The following ITGB5 variants were observed in gnomAD, a reference collection of about 807,000 sequenced individuals.
ITGB5 encodes integrin beta-5.
ITGB5 carries 38 observed loss-of-function variants against 84.8 expected under a neutral mutation model. The observed-to-expected ratio is 0.45, with a 90% CI of 0.35 to 0.59. The LOEUF (loss-of-function observed/expected upper bound fraction) is 0.59. ITGB5 is among the 20% of genes least tolerant of loss of function. The probability of loss-of-function intolerance (pLI) is 0.01; values close to 1 mark genes in which losing one functional copy is unlikely to be tolerated. For missense variants in ITGB5, 905 were observed against 1,034.5 expected (o/e 0.87, Z 1.72); for synonymous variants, 393 against 414.4 (o/e 0.95, Z 0.63).
intron 7 of ITGB5, 27 bp from the exon 8 acceptor site, chr3:124,817,737 A>G (rs1252644828): frequency 1.4e-6 from 2 of 1,383,206 alleles, no homozygotes; most frequent in African/African-American, 1.4e-5. Flanking sequence ...AAGAAAAGAA[A>G]TAAGTTCATT....
chr3:124,879,719 T>C (rs568501081), intron 1 of ITGB5, among the ~76,000 whole-genome samples: 2 of 152,306 alleles, frequency 1.3e-5, no homozygotes, highest in African/African-American at 2.4e-5. Flanking sequence ...CTTACCCCAA[T>C]ACATCGCTAA....
chr3:124,870,215 T>G (rs1366422790), intron 2 of ITGB5, among the ~76,000 whole-genome samples: 1 of 152,220 alleles, frequency 6.6e-6, no homozygotes, highest in African/African-American at 2.4e-5. Context: ...ACAGTTTAGT[T>G]TCTCAAGGAG....
chr3:124,794,068 C>A (rs1339751777), intron 10 of ITGB5, among the ~76,000 whole-genome samples: 1 of 152,210 alleles, frequency 6.6e-6, no homozygotes. Context: ...TGCTTTCTTT[C>A]CCAGCTGATC....
chr3:124,812,856 C>T (rs2064526696), intron 8 of ITGB5, among the ~76,000 whole-genome samples: 1 of 152,230 alleles, frequency 6.6e-6, no homozygotes, highest in Non-Finnish European at 1.5e-5. Flanking sequence ...ACAGCCATTG[C>T]ATCTGTTACA....
rs1201955530 is a variant in ITGB5 at position 124,887,054 on chromosome 3, C to CGGCCGG, written c.-60_-55dup. On this transcript the variant is annotated 5_prime_UTR_variant, in exon 1 of 15. Coordinates refer to ENST00000296181, the MANE Select transcript of ITGB5 (RefSeq NM_002213.5). Reference sequence around the variant, plus strand: ...GGTCGCTGCACTCCGCGGGGGCCGGCGGCCGGGGCTGGGGCCGGAGCGCGG... The same window carrying CGGCCGG: ...GGTCGCTGCACTCCGCGGGGGCCGGCGGCCGGGGCCGGGGCTGGGGCCGGAGCGCGG... The CGGCCGG allele has an allele frequency of 1.7e-5, 15 of 875,198 alleles. No individual in the cohort carries two copies. The African/African-American group carries it at 2.4e-4, about 14-fold the overall frequency. 54.2% of individuals were successfully genotyped at this position (875,198 alleles called of 1,614,324 possible). A position where few individuals can be genotyped will look rare whatever the true frequency, so the allele number is the denominator to read the frequency against.
At position 124,814,342 on chromosome 3, in the gene ITGB5, A is replaced by G. The variant is rs1005516510; in HGVS notation, c.1128+3279T>C. Reference sequence around the variant, plus strand: ...AGGGTCACTTTTTGGAGTAATGAACATGTTCAGTATCTCTATGGTGGCGAC... The same window carrying G: ...AGGGTCACTTTTTGGAGTAATGAACGTGTTCAGTATCTCTATGGTGGCGAC... On this transcript the variant is annotated intron_variant, in intron 8 of 14. Transcript: ENST00000296181. Among the ~76,000 whole-genome samples the G allele has an allele frequency of 3.3e-5, 5 of 152,008 alleles. No homozygotes were observed. In the East Asian group the frequency reaches 5.8e-4, roughly 18 times the overall value.
At chr3:124,779,084 C>T (rs1223278889) in intron 10 of ITGB5, among the ~76,000 whole-genome samples, 1 of 152,186 alleles carries the variant, frequency 6.6e-6, no homozygotes, top group Non-Finnish European at 1.5e-5. Context: ...TGATCTCTGA[C>T]ACATGGGGCA....
At chr3:124,870,106 A>G (rs1933923993) in intron 2 of ITGB5, among the ~76,000 whole-genome samples, 1 of 152,118 alleles carries the variant, frequency 6.6e-6, no homozygotes, top group Non-Finnish European at 1.5e-5. Context: ...ACTGATTGAA[A>G]CTTTGGTTTT....
In ITGB5 at chr3:124,859,351, G is replaced by C; in HGVS notation, c.252C>G (p.Ser84Arg). ...GCAGGCTCCTCAGGACATGGAAGCT[G>C]CTGGCTGGGCTCTCTATCTCACCTC... is the stretch of plus-strand genomic sequence containing the variant. ...GCGGEIESPASSFHVLRSLPL... is the reference protein window; with the variant it reads ...GCGGEIESPARSFHVLRSLPL... The change falls in exon 3 of 15, where the codon AGC (serine) becomes AGG (arginine). Residue 84 changes from serine to arginine, a missense_variant. Physicochemically the swap from Ser to Arg is moderately radical, Grantham distance 110 (BLOSUM62 -1). Transcript: ENST00000296181. 1 of 1,614,138 alleles carries C rather than the reference G, an allele frequency of 6.2e-7. No individual in the cohort carries two copies. Among genetic ancestry groups the C allele is most frequent in the Non-Finnish European group, 8.5e-7 (1 of 1,180,022 alleles).
At chr3:124,768,919 G>A in intron 12 of ITGB5, 94 bp downstream of exon 12, 1 of 887,876 alleles carries the variant, frequency 1.1e-6, no homozygotes, top group South Asian at 1.5e-5. Context: ...TGCCCAGGAA[G>A]CCTGGGCAGT....
At chr3:124,817,746 T>C in intron 7 of ITGB5, 36 bp from the exon 8 acceptor site, 1 of 1,266,106 alleles carries the variant, frequency 7.9e-7, no homozygotes, top group Non-Finnish European at 1.1e-6. Context: ...AATAAGTTCA[T>C]TTTGCCCTGC....
intron 5 of ITGB5, among the ~76,000 whole-genome samples, chr3:124,825,761 G>C (rs909332571): frequency 7.9e-5 from 12 of 152,248 alleles, no homozygotes; most frequent in Admixed American, 2.6e-4. Flanking sequence ...CAATTGTGGG[G>C]GTGGCTATAA....
chr3:124,875,003 A>G (rs1006322329), intron 1 of ITGB5, among the ~76,000 whole-genome samples: 4 of 152,240 alleles, frequency 2.6e-5, no homozygotes, highest in Non-Finnish European at 4.4e-5. Flanking sequence ...AAATAGGCAA[A>G]TGGAATTCTA....
intron 1 of ITGB5, among the ~76,000 whole-genome samples, chr3:124,899,801 C>T (rs113097331): frequency 0.025 from 3,298 of 131,066 alleles, 120 homozygotes; most frequent in African/African-American, 0.088. Flanking sequence ...CTGCAGTGAG[C>T]CATGATCATG....
chr3:124,820,021 A>G (rs909284841), intron 6 of ITGB5, among the ~76,000 whole-genome samples, 187 bp from the exon 7 acceptor site: 1 of 151,908 alleles, frequency 6.6e-6, no homozygotes, highest in Admixed American at 6.6e-5. Flanking sequence ...AGTAGAGGAG[A>G]CCCTCAAGGA....
At chr3:124,821,196 G>A in intron 6 of ITGB5, 117 bp downstream of exon 6, 1 of 1,156,988 alleles carries the variant, frequency 8.6e-7, no homozygotes, top group Non-Finnish European at 1.2e-6. Context: ...GAAGGGATCA[G>A]AAAGCCAGTG....
chr3:124,819,092 T>C (rs2064657199), intron 7 of ITGB5, among the ~76,000 whole-genome samples: 1 of 152,170 alleles, frequency 6.6e-6, no homozygotes, highest in African/African-American at 2.4e-5. Flanking sequence ...TTGAAGATGG[T>C]CCAGGGTGAC....
intron 10 of ITGB5, among the ~76,000 whole-genome samples, chr3:124,793,564 T>C (rs1320287205): frequency 6.6e-6 from 1 of 152,328 alleles, no homozygotes; most frequent in East Asian, 1.9e-4. Flanking sequence ...GGAGCCAGCA[T>C]TGGGTGTGTT....
At chr3:124,814,151 G>A (rs551557095) in intron 8 of ITGB5, among the ~76,000 whole-genome samples, 15 of 152,022 alleles carry the variant, frequency 9.9e-5, no homozygotes, top group South Asian at 4.2e-4. Context: ...ATATCTTATC[G>A]TACCACAGTA....
Sources: gnomAD v4.1 joint callset for allele counts (sites outside exome capture counted in the v4.1 genomes callset) on GRCh38, gnomAD v4.1.1 for gene constraint, MANE v1.5 for transcripts, NCBI Gene and HGNC (gene_info 2026-07-23, HGNC 2026-07-21) for gene names.